Variants in OPCML observed in about 807,000 individuals in gnomAD.
OPCML encodes opioid-binding protein/cell adhesion molecule.
In OPCML, 13 loss-of-function variants were observed where a neutral mutation model predicts 37.8. The ratio of observed to expected loss-of-function variants is 0.34; its 90% CI spans 0.22 to 0.55. The LOEUF is 0.55. Ranked by LOEUF, OPCML falls within the 20% of genes least tolerant of loss-of-function variation. OPCML has a pLI of 0.91. For synonymous variants in OPCML, 176 were observed against 168.8 expected (o/e 1.04, Z -0.33); for missense variants, 341 against 435.6 (o/e 0.78, Z 1.93).
At chr11:133,295,141 A>G (rs1942597347) in intron 1 of OPCML, among the ~76,000 whole-genome samples, 1 of 152,134 alleles carries the variant, frequency 6.6e-6, no homozygotes, top group South Asian at 2.1e-4. Flanking sequence ...AGAAAGCTTC[A>G]AACCCAACTT....
chr11:133,414,427 C>T (rs2136876262), intron 1 of OPCML, among the ~76,000 whole-genome samples: 1 of 152,272 alleles, frequency 6.6e-6, no homozygotes, highest in African/African-American at 2.4e-5. Context: ...ACCCACGCCA[C>T]AGCCTCGCCT....
At chr11:132,590,388 T>A (rs945725903) in intron 3 of OPCML, among the ~76,000 whole-genome samples, 4 of 152,234 alleles carry the variant, frequency 2.6e-5, no homozygotes, top group African/African-American at 9.6e-5. Context: ...AGTACAGTGT[T>A]CATTTCACAG....
intron 1 of OPCML, among the ~76,000 whole-genome samples, chr11:133,097,522 A>G (rs1446444163): frequency 6.6e-6 from 1 of 152,156 alleles, no homozygotes. Flanking sequence ...TACAATTAGA[A>G]CAAACGTCAA....
chr11:132,435,117 C>T (rs962992006), intron 7 of OPCML: 5 of 1,136,080 alleles, frequency 4.4e-6, no homozygotes, highest in Non-Finnish European at 5.9e-6. Flanking sequence ...AAGGCATAGG[C>T]ATTCAGGCAG....
intron 3 of OPCML, among the ~76,000 whole-genome samples, chr11:132,628,870 A>G (rs1403594895): frequency 1.3e-5 from 2 of 152,170 alleles, no homozygotes; most frequent in Non-Finnish European, 2.9e-5. Flanking sequence ...TGCTGCTGCC[A>G]TGTGAAGAAG....
At chr11:132,715,306 T>C (rs1944429631) in intron 2 of OPCML, among the ~76,000 whole-genome samples, 1 of 152,240 alleles carries the variant, frequency 6.6e-6, no homozygotes, top group Admixed American at 6.5e-5. Flanking sequence ...ATGCTACAGA[T>C]ATACAGATGA....
intron 1 of OPCML, among the ~76,000 whole-genome samples, chr11:133,220,627 G>A (rs1939776109): frequency 6.6e-6 from 1 of 152,162 alleles, no homozygotes; most frequent in African/African-American, 2.4e-5. Flanking sequence ...CAAATGCTCC[G>A]TGTTTCTGGA....
At chr11:132,484,489 C>T (rs1026228728) in intron 4 of OPCML, among the ~76,000 whole-genome samples, 6 of 152,178 alleles carry the variant, frequency 3.9e-5, no homozygotes, top group African/African-American at 1.4e-4. Flanking sequence ...ACTAGTTCAA[C>T]CACTGTGGAA....
intron 1 of OPCML, chr11:133,300,475 G>C (rs1312812739): frequency 2.0e-5 from 3 of 152,182 alleles, no homozygotes; most frequent in Non-Finnish European, 4.4e-5. Flanking sequence ...ATTCTTTCAA[G>C]GTAAGGGTGC....
At chr11:133,175,025 G>A (rs1001402507) in intron 1 of OPCML, among the ~76,000 whole-genome samples, 1 of 152,182 alleles carries the variant, frequency 6.6e-6, no homozygotes, top group African/African-American at 2.4e-5. Context: ...GATCACTTGA[G>A]CCTAAGAGGT....
rs73598422 is a variant in OPCML at position 133,206,313 on chromosome 11, T to C, written c.62-263303A>G. Among the ~76,000 whole-genome samples, 2,883 of 152,334 alleles carry C rather than the reference T, an allele frequency of 0.019. 59 individuals carry two copies. Among genetic ancestry groups the C allele is most frequent in the African/African-American group, 0.049 (2,037 of 41,566 alleles). On this transcript the variant is annotated intron_variant, in intron 1 of 7. Coordinates refer to ENST00000524381, the MANE Select transcript of OPCML (RefSeq NM_001012393.5). This position sits in a 1 kb window ranked among gnomAD's most constrained non-coding sequence, Gnocchi z 4.7. Reference sequence around the variant, plus strand: ...CCATACTGAGGTCTGTTCCTGTTTCTCTTTCTTAGAGACATTGATGAGTTC... The same window carrying C: ...CCATACTGAGGTCTGTTCCTGTTTCCCTTTCTTAGAGACATTGATGAGTTC...
intron 2 of OPCML, among the ~76,000 whole-genome samples, chr11:132,937,505 T>C (rs574838571): frequency 6.6e-6 from 1 of 151,580 alleles, no homozygotes; most frequent in South Asian, 2.1e-4. Context: ...AGTGTGTGTG[T>C]ATGTGTGTCT....
intron 1 of OPCML, among the ~76,000 whole-genome samples, chr11:133,193,205 A>G (rs928091432): frequency 6.6e-6 from 1 of 152,262 alleles, no homozygotes; most frequent in Non-Finnish European, 1.5e-5. Context: ...CTGGATCTGT[A>G]CATTCCTGGT....
chr11:133,044,396 A>G (rs1337995868), intron 1 of OPCML, among the ~76,000 whole-genome samples: 1 of 152,206 alleles, frequency 6.6e-6, no homozygotes, highest in South Asian at 2.1e-4. Flanking sequence ...AACAGAGAAC[A>G]GGGGAGTAGG....
chr11:133,347,500 C>G (rs1944030299), intron 1 of OPCML, among the ~76,000 whole-genome samples: 1 of 152,156 alleles, frequency 6.6e-6, no homozygotes, highest in African/African-American at 2.4e-5. Flanking sequence ...AGAGATCACT[C>G]AAAGGCTCTT....
chr11:132,666,785 G>A (rs781089768), intron 2 of OPCML, among the ~76,000 whole-genome samples: 7 of 152,190 alleles, frequency 4.6e-5, no homozygotes, highest in African/African-American at 9.7e-5. Flanking sequence ...TAGTCCAAGC[G>A]AGATAGACAA....
At chr11:133,161,606 C>T (rs1258326100) in intron 1 of OPCML, among the ~76,000 whole-genome samples, 1 of 152,116 alleles carries the variant, frequency 6.6e-6, no homozygotes, top group Non-Finnish European at 1.5e-5. Flanking sequence ...AGGTTCACCA[C>T]ATAATGGAAA....
At chr11:132,580,409 A>G (rs912227985) in intron 3 of OPCML, among the ~76,000 whole-genome samples, 1 of 152,214 alleles carries the variant, frequency 6.6e-6, no homozygotes, top group Non-Finnish European at 1.5e-5. Context: ...TAGATGTAAA[A>G]TCATGAATTC....
chr11:132,671,910 CTG>C (rs1386208866), intron 2 of OPCML, among the ~76,000 whole-genome samples: 1 of 152,152 alleles, frequency 6.6e-6, no homozygotes, highest in Non-Finnish European at 1.5e-5. Context: ...ATAATTTACT[CTG>C]TACTTTACAG....
Sources: gnomAD v4.1 joint callset for allele counts (sites outside exome capture counted in the v4.1 genomes callset) on GRCh38, gnomAD v4.1.1 for gene constraint, Gnocchi (gnomAD v3.1) non-coding constraint, MANE v1.5 for transcripts, NCBI Gene and HGNC (gene_info 2026-07-23, HGNC 2026-07-21) for gene names.